The following SLC13A1 variants were observed in gnomAD, a reference collection of about 807,000 sequenced individuals.
SLC13A1 encodes Na(+)/sulfate cotransporter.
A neutral mutation model predicts 70.0 loss-of-function variants in SLC13A1; 65 were observed. That is an observed-to-expected ratio of 0.93 (90% CI 0.76 to 1.14). SLC13A1 has a LOEUF of 1.14. Ranked by LOEUF, SLC13A1 falls within the 50% of genes most tolerant of loss-of-function variation. SLC13A1 has a pLI of 0.00. For synonymous variants in SLC13A1, 275 were observed against 250.5 expected, an observed-to-expected ratio of 1.10 and a Z score of -0.92; for missense variants, 726 against 717.8, an observed-to-expected ratio of 1.01 and a Z score of -0.13.
intron 8 of SLC13A1, among the ~76,000 whole-genome samples, chr7:123,133,174 T>C (rs1457831713): frequency 6.6e-6 from 1 of 152,188 alleles, no homozygotes; most frequent in Non-Finnish European, 1.5e-5. Flanking sequence ...AGACTGAGAA[T>C]GGGTCTGGAC....
chr7:123,181,390 A>T (rs564109014), intron 1 of SLC13A1, among the ~76,000 whole-genome samples: 1 of 152,130 alleles, frequency 6.6e-6, no homozygotes, highest in Non-Finnish European at 1.5e-5. Context: ...ATATTAGTGT[A>T]TATAGATGTT....
At chr7:123,144,439 G>C (rs1179236950) in intron 7 of SLC13A1, among the ~76,000 whole-genome samples, 2 of 152,082 alleles carry the variant, frequency 1.3e-5, no homozygotes, top group Non-Finnish European at 2.9e-5. Flanking sequence ...TGTGAAAAAA[G>C]CATTAAATTT....
At chr7:123,169,120 C>T (rs761520789) in intron 4 of SLC13A1, 28 bp downstream of exon 4, 1 of 1,606,652 alleles carries the variant, frequency 6.2e-7, no homozygotes, top group African/African-American at 1.3e-5. Context: ...TGACTAGACC[C>T]CAGATTGGCC....
At chr7:123,121,490 C>T (rs958831786) in intron 12 of SLC13A1, among the ~76,000 whole-genome samples, 2 of 152,070 alleles carry the variant, frequency 1.3e-5, no homozygotes, top group East Asian at 3.8e-4. Context: ...CTTCTTGTCC[C>T]TGTCATATAG....
chr7:123,188,882 G>A (rs1046245559), intron 1 of SLC13A1, among the ~76,000 whole-genome samples: 6 of 151,872 alleles, frequency 4.0e-5, no homozygotes, highest in South Asian at 2.1e-4. Flanking sequence ...TTGGGAGGCC[G>A]AGGCGGGCGG....
At chr7:123,195,704 A>G (rs1403217540) in intron 1 of SLC13A1, among the ~76,000 whole-genome samples, 2 of 151,962 alleles carry the variant, frequency 1.3e-5, no homozygotes, top group African/African-American at 2.4e-5. Context: ...CGTGAGTTTC[A>G]AAGTTAGAAT....
chr7:123,141,693 C>T (rs190310307), intron 7 of SLC13A1, among the ~76,000 whole-genome samples: 2 of 152,184 alleles, frequency 1.3e-5, no homozygotes, highest in Non-Finnish European at 2.9e-5. Context: ...TTCTTTGTCT[C>T]TTCTTATACT....
At chr7:123,115,914 G>A (rs1038990616) in intron 14 of SLC13A1, among the ~76,000 whole-genome samples, 8 of 152,084 alleles carry the variant, frequency 5.3e-5, no homozygotes, top group Admixed American at 3.3e-4. Flanking sequence ...TTCTCCATTC[G>A]TAGCAAGAGA....
intron 1 of SLC13A1, among the ~76,000 whole-genome samples, chr7:123,182,140 C>T (rs1795660392): frequency 6.6e-6 from 1 of 152,122 alleles, no homozygotes; most frequent in African/African-American, 2.4e-5. Context: ...CAGTTTCATA[C>T]AGAGTCTGCT....
chr7:123,182,149 C>T (rs1344530789), intron 1 of SLC13A1, among the ~76,000 whole-genome samples: 1 of 152,118 alleles, frequency 6.6e-6, no homozygotes, highest in Non-Finnish European at 1.5e-5. Flanking sequence ...ACAGAGTCTG[C>T]TTCTACCATC....
chr7:123,179,051 G>T (rs986063957), intron 2 of SLC13A1, among the ~76,000 whole-genome samples: 11 of 152,070 alleles, frequency 7.2e-5, no homozygotes, highest in African/African-American at 2.7e-4. Context: ...AGAAGATGGT[G>T]GTGGTGATGG....
intron 7 of SLC13A1, among the ~76,000 whole-genome samples, chr7:123,138,414 TTTC>T (rs1417256549): frequency 6.6e-6 from 1 of 152,206 alleles, no homozygotes; most frequent in Non-Finnish European, 1.5e-5. Flanking sequence ...ACTGATTTTC[TTTC>T]TTTTGGGTAT....
chr7:123,154,788 A>G (rs1168618065), intron 6 of SLC13A1, among the ~76,000 whole-genome samples: 3 of 152,036 alleles, frequency 2.0e-5, no homozygotes, highest in Non-Finnish European at 4.4e-5. Context: ...TGCCAATTTT[A>G]TTGTCTTGAT....
intron 7 of SLC13A1, among the ~76,000 whole-genome samples, chr7:123,137,474 G>A (rs192484840): frequency 6.6e-6 from 1 of 152,306 alleles, no homozygotes; most frequent in African/African-American, 2.4e-5. Flanking sequence ...AGAGTTTCCT[G>A]CTGGCCTGAA....
chr7:123,180,127 G>A lies in SLC13A1; in HGVS notation c.228+846C>T, dbSNP rs75873756. Among the ~76,000 whole-genome samples the A allele has an allele frequency of 8.4e-3, 1,271 of 152,160 alleles. 19 individuals carry two copies. Among genetic ancestry groups the A allele is most frequent in the African/African-American group, 0.028 (1,180 of 41,524 alleles). ...AAACCCAGTAAGAAAAGAGGATCAGGGAGGATAAAAAGTGCAAAAAGATCG... is the reference window on the plus strand; with the variant it reads ...AAACCCAGTAAGAAAAGAGGATCAGAGAGGATAAAAAGTGCAAAAAGATCG... On this transcript the variant is annotated intron_variant, in intron 2 of 14. Coordinates refer to ENST00000194130, the MANE Select transcript of SLC13A1 (RefSeq NM_022444.4).
intron 10 of SLC13A1, among the ~76,000 whole-genome samples, chr7:123,127,838 ATTTTTTTTTTTTT>A (rs201644707): frequency 6.8e-4 from 73 of 106,778 alleles, no homozygotes; most frequent in East Asian, 1.4e-3. Context: ...CCAAAATACA[ATTTTTTTTTTTTT>A]TTTTTTTTTT....
intron 4 of SLC13A1, 81 bp downstream of exon 4, chr7:123,169,067 A>C (rs747751061): frequency 1.5e-6 from 2 of 1,342,890 alleles, no homozygotes; most frequent in Non-Finnish European, 2.1e-6. Context: ...TGGTTAATTC[A>C]AAATACAACT....
intron 8 of SLC13A1, 38 bp from the exon 9 acceptor site, chr7:123,129,519 T>C: frequency 6.9e-7 from 1 of 1,453,844 alleles, no homozygotes; most frequent in East Asian, 2.3e-5. Flanking sequence ...AAGAAATTCT[T>C]TTACTACCAC....
chr7:123,168,664 T>TA (rs1034125255), intron 4 of SLC13A1, 103 bp from the exon 5 acceptor site: 48 of 822,952 alleles, frequency 5.8e-5, no homozygotes, highest in Middle Eastern at 3.1e-4. Flanking sequence ...AAATTGAAAA[T>TA]AAAAAATTCA....
Sources: gnomAD v4.1 joint callset for allele counts (sites outside exome capture counted in the v4.1 genomes callset) on GRCh38, gnomAD v4.1.1 for gene constraint, MANE v1.5 for transcripts, NCBI Gene and HGNC (gene_info 2026-07-23, HGNC 2026-07-21) for gene names.